The following SRRM3 variants were observed in gnomAD, a reference collection of about 807,000 sequenced individuals.
SRRM3 encodes serine/arginine repetitive matrix 3.
SRRM3 carries 27 observed loss-of-function variants against 66.2 expected under a neutral mutation model. The observed-to-expected ratio is 0.41, with a 90% CI of 0.30 to 0.56. SRRM3 has a LOEUF of 0.56. SRRM3 is among the 20% of genes least tolerant of loss of function. The probability of loss-of-function intolerance (pLI) is 0.32; values close to 1 mark genes in which losing one functional copy is unlikely to be tolerated. For synonymous variants in SRRM3, 391 were observed against 414.9 expected, an observed-to-expected ratio of 0.94 and a Z score of 0.70; for missense variants, 918 against 991.9, an observed-to-expected ratio of 0.93 and a Z score of 1.00.
Position 76,235,095 on chromosome 7 carries a change from C to T in SRRM3, c.29C>T (p.Ala10Val). 1 of 1,585,680 alleles carries T rather than the reference C, an allele frequency of 6.3e-7. No homozygotes were observed. MSSTVNNGA[A>V]SMQSTPDAAN... ...TCCTCCACCGTGAACAACGGGGCGG[C>T]CAGCATGCAGTCCACACCCGACGCC... Residue 10 changes from alanine to valine, a missense_variant, in exon 2 of 15, where the codon GCC becomes GTC. Transcript: ENST00000611745.
At position 76,282,658 on chromosome 7, in the gene SRRM3, C is replaced by T. The variant is rs1802554786; in HGVS notation, c.1381C>T (p.Arg461Trp). 1 of 1,403,948 alleles carries T rather than the reference C, an allele frequency of 7.1e-7. No individual in the cohort carries two copies. The highest frequency in any genetic ancestry group is 9.2e-7 in the Non-Finnish European group (1 of 1,085,538). 87.0% of individuals were successfully genotyped at this position (1,403,948 alleles called of 1,614,324 possible). A position where few individuals can be genotyped will look rare whatever the true frequency, so the allele number is the denominator to read the frequency against. Residue 461 changes from arginine (R) to tryptophan (W), a missense_variant, in exon 13 of 15, where the codon CGG becomes TGG. By Grantham distance (101) the Arg-to-Trp change is moderately radical. Coordinates refer to ENST00000611745, the MANE Select transcript of SRRM3 (RefSeq NM_001110199.3). ...HGGHGKRAKE[R>W]PPRARPASTS... The stretch of plus-strand genomic sequence containing the variant: ...GTCTCCCTCCTCCAGGGCCAAGGAG[C>T]GGCCCCCGCGCGCGCGGCCCGCCAG...
At chr7:76,246,953 G>A (rs1304174348) in intron 2 of SRRM3, among the ~76,000 whole-genome samples, 6 of 152,216 alleles carry the variant, frequency 3.9e-5, no homozygotes. Flanking sequence ...AAATGGGAAT[G>A]TGACCTGCCT....
intron 8 of SRRM3, 35 bp downstream of exon 8, chr7:76,261,616 T>C: frequency 6.2e-7 from 1 of 1,600,652 alleles, no homozygotes; most frequent in Non-Finnish European, 8.5e-7. Flanking sequence ...TGGTCAGTGG[T>C]CCCTTAAGGA....
chr7:76,260,012 T>C lies in SRRM3; in HGVS notation c.442T>C (p.Tyr148His). 3 of 1,577,640 alleles carry C rather than the reference T, an allele frequency of 1.9e-6. No homozygotes were observed. The highest frequency in any genetic ancestry group is 1.3e-5 in the African/African-American group (1 of 74,104). The change falls in exon 4 of 15, where the codon TAC (tyrosine) becomes CAC (histidine). Residue 148 changes from tyrosine (Y) to histidine (H), a missense_variant. Physicochemically the swap from Tyr to His is moderately conservative, Grantham distance 83 (BLOSUM62 2). Coordinates refer to ENST00000611745, the MANE Select transcript of SRRM3 (RefSeq NM_001110199.3). ...GGACTGTGACTGCCCGGCCTCCTGC[T>C]ACCGCGGCCACCGCGGGTACAGGTC... is the stretch of plus-strand genomic sequence containing the variant. ...PVDCDCPASC[Y>H]RGHRGYRTKH...
intron 1 of SRRM3, among the ~76,000 whole-genome samples, chr7:76,230,795 G>A (rs1583886565): frequency 1.3e-5 from 2 of 150,788 alleles, no homozygotes; most frequent in African/African-American, 4.9e-5. Context: ...CTGTCGCCCA[G>A]GCTGAAATAC....
intron 12 of SRRM3, 46 bp from the exon 13 acceptor site, chr7:76,282,602 C>G (rs1300986827): frequency 5.9e-6 from 7 of 1,179,446 alleles, no homozygotes; most frequent in Non-Finnish European, 6.7e-6. Context: ...CCCCAGCCCC[C>G]TTTCCGGGTC....
At chr7:76,211,415 G>T (rs1334119214) in intron 1 of SRRM3, among the ~76,000 whole-genome samples, 1 of 151,646 alleles carries the variant, frequency 6.6e-6, no homozygotes, top group Admixed American at 6.6e-5. Context: ...CTCACTGTTG[G>T]GGGGCGGGGG....
rs1322554184 is a variant in SRRM3 at position 76,283,153 on chromosome 7, G to C, written c.1733+52G>C. ...GGCGCAGGGCTGGGGCCGCTGACCCGGATCAGGGACAGAGACCTCGGCCCG... is the reference window on the plus strand; with the variant it reads ...GGCGCAGGGCTGGGGCCGCTGACCCCGATCAGGGACAGAGACCTCGGCCCG... On this transcript the variant is annotated intron_variant, in intron 14 of 14. Coordinates refer to ENST00000611745, the MANE Select transcript of SRRM3 (RefSeq NM_001110199.3). 4 of 1,355,894 alleles carry C rather than the reference G, an allele frequency of 3.0e-6. No homozygotes were observed. The African/African-American group carries it at 4.5e-5, about 15-fold the overall frequency. The allele number at this position is 1,355,894 out of a possible 1,614,324, so 84.0% of individuals were successfully genotyped here. A position where few individuals can be genotyped will look rare whatever the true frequency, so the allele number is the denominator to read the frequency against.
chr7:76,231,865 T>C (rs549729811), intron 1 of SRRM3, among the ~76,000 whole-genome samples: 1 of 151,684 alleles, frequency 6.6e-6, no homozygotes, highest in East Asian at 1.9e-4. Flanking sequence ...GTTCCCTAGG[T>C]GAAGAAAAGG....
At chr7:76,280,358 C>A (rs1802460600) in intron 11 of SRRM3, among the ~76,000 whole-genome samples, 1 of 150,184 alleles carries the variant, frequency 6.7e-6, no homozygotes, top group Admixed American at 6.6e-5. Flanking sequence ...TTCAGTTGTC[C>A]CCCTCGCCCC....
rs573978568 is a variant in SRRM3 at position 76,263,649 on chromosome 7, CA to C, written c.675-1115del. On this transcript the variant is annotated intron_variant, in intron 8 of 14. Coordinates refer to ENST00000611745, the MANE Select transcript of SRRM3 (RefSeq NM_001110199.3). ...CTGAGGTGGGCAGATCACTTGAGGC[CA>C]GGAGTTCGAGACCAGCCTGGCCAAC... Among the ~76,000 whole-genome samples the C allele has an allele frequency of 1.6e-3, 240 of 152,094 alleles. 1 individual carries two copies. Among genetic ancestry groups the C allele is most frequent in the African/African-American group, 5.5e-3 (230 of 41,502 alleles).
intron 1 of SRRM3, among the ~76,000 whole-genome samples, chr7:76,232,216 C>T (rs1357139783): frequency 2.0e-5 from 3 of 152,156 alleles, no homozygotes; most frequent in African/African-American, 7.2e-5. Flanking sequence ...GACCTTTGAA[C>T]CCACAGCAAC....
At position 76,286,158 on chromosome 7, in the gene SRRM3, T is replaced by A. The variant is rs1802669591; in HGVS notation, c.*315T>A. On this transcript the variant is annotated 3_prime_UTR_variant, in exon 15 of 15. Transcript: ENST00000611745. ...TCCTGCTGATGCCAACTCACCAGGC[T>A]TGGGACTGCTGCCGGTGGATGGTAC... is the stretch of plus-strand genomic sequence containing the variant. 1 of 456,234 alleles carries A rather than the reference T, an allele frequency of 2.2e-6. No individual in the cohort carries two copies. Among genetic ancestry groups the A allele is most frequent in the Admixed American group, 4.0e-5 (1 of 25,246 alleles). The allele number at this position is 456,234 out of a possible 1,614,324, so 28.3% of individuals were successfully genotyped here. A position where few individuals can be genotyped will look rare whatever the true frequency, so the allele number is the denominator to read the frequency against.
At chr7:76,240,899 G>T (rs7789509) in intron 2 of SRRM3, among the ~76,000 whole-genome samples, 11,758 of 151,624 alleles carry the variant, frequency 0.078, 1,109 homozygotes, top group African/African-American at 0.22. Flanking sequence ...TGTTTTTTTG[G>T]TTTTTTGTTT....
rs782489650 is a variant in SRRM3, at chr7:76,267,400, G to T, written c.973G>T (p.Gly325Trp). 3.9e-5 allele frequency: 55 copies of T among 1,396,748 alleles called. No homozygotes were observed. In the Admixed American group the frequency reaches 7.0e-4, roughly 18 times the overall value. 86.5% of individuals were successfully genotyped at this position (1,396,748 alleles called of 1,614,324 possible). A position where few individuals can be genotyped will look rare whatever the true frequency, so the allele number is the denominator to read the frequency against. ...CAGCGGGCAGCGGAGCGGAGCGCAC[G>T]GGGGCCGCCCCGGCTCGGCGCACAG... ...GGSGQRSGAH[G>W]GRPGSAHSPP... Residue 325 changes from glycine (G) to tryptophan (W), a missense_variant, in exon 11 of 15, where the codon GGG (glycine) becomes TGG (tryptophan). Physicochemically the swap from Gly to Trp is radical, Grantham distance 184. Coordinates refer to ENST00000611745, the MANE Select transcript of SRRM3 (RefSeq NM_001110199.3).
intron 2 of SRRM3, among the ~76,000 whole-genome samples, chr7:76,246,493 G>A (rs1342371172): frequency 1.3e-5 from 2 of 152,126 alleles, no homozygotes; most frequent in East Asian, 3.9e-4. Flanking sequence ...GAACCCGGGA[G>A]GTGGAGGTTG....
In SRRM3 at chr7:76,235,062, C is replaced by A; in HGVS notation, c.-5C>A. 1 of 1,565,570 alleles carries A rather than the reference C, an allele frequency of 6.4e-7. No individual in the cohort carries two copies. The highest frequency in any genetic ancestry group is 8.6e-7 in the Non-Finnish European group (1 of 1,160,564). On this transcript the variant is annotated 5_prime_UTR_variant, in exon 2 of 15. Transcript: ENST00000611745. ...CCCAGGCCAGCGGCTCCAGGGCCAG[C>A]CACGATGTCCTCCACCGTGAACAAC...
At position 76,281,594 on chromosome 7, in the gene SRRM3, CGGCGGCGGCGTA is replaced by C. The variant is rs1252237081; in HGVS notation, c.1173_1184del (p.Arg392_Arg395del). On this transcript the variant is annotated inframe_deletion, in exon 12 of 15. Coordinates refer to ENST00000611745, the MANE Select transcript of SRRM3 (RefSeq NM_001110199.3). ...GGCGGGCGGGGCGGGCAGGCGGCGG[CGGCGGCGGCGTA>C]GGCGGCGGCGCTCGCGGTCCTCGGC... The C allele has an allele frequency of 7.1e-6, 7 of 979,098 alleles. No individual in the cohort carries two copies. The highest frequency in any genetic ancestry group is 1.2e-4 in the East Asian group (1 of 8,680). 60.7% of individuals were successfully genotyped at this position (979,098 alleles called of 1,614,324 possible). A position where few individuals can be genotyped will look rare whatever the true frequency, so the allele number is the denominator to read the frequency against.
chr7:76,230,376 G>A (rs782639598), intron 1 of SRRM3, among the ~76,000 whole-genome samples: 2 of 152,038 alleles, frequency 1.3e-5, no homozygotes, highest in Non-Finnish European at 2.9e-5. Flanking sequence ...GAGGCCAGGC[G>A]CAGTGACTCA....
Sources: allele counts gnomAD v4.1 joint callset (sites outside exome capture counted in the v4.1 genomes callset), GRCh38; gene constraint gnomAD v4.1.1; transcripts MANE v1.5; gene names NCBI Gene and HGNC (gene_info 2026-07-23, HGNC 2026-07-21).